GLIPR1L2: variants seen among roughly 807,000 people sequenced by gnomAD.
GLIPR1L2 encodes the protein GLIPR1 like 2.
In GLIPR1L2, 21 loss-of-function variants were observed where a neutral mutation model predicts 28.4. The observed-to-expected ratio is 0.74, with a 90% CI of 0.52 to 1.06. The LOEUF is 1.06. GLIPR1L2 is among the 50% of genes least tolerant of loss of function. The pLI, the probability that GLIPR1L2 is intolerant of heterozygous loss-of-function variation, is 0.00. For synonymous variants in GLIPR1L2, 145 were observed against 139.3 expected (o/e 1.04, Z -0.29); for missense variants, 476 against 416.9 (o/e 1.14, Z -1.23).
intron 1 of GLIPR1L2, among the ~76,000 whole-genome samples, chr12:75,403,863 G>C (rs1420400376): frequency 6.6e-6 from 1 of 151,964 alleles, no homozygotes; most frequent in Non-Finnish European, 1.5e-5. Context: ...AGACTAAAAA[G>C]GAAAAATAAC....
In GLIPR1L2 at chr12:75,430,808, G is replaced by A; in HGVS notation, c.698-16G>A. On this transcript the variant is annotated splice_polypyrimidine_tract_variant and intron_variant, in intron 5 of 5. Transcript: ENST00000550916. ...TTTATATGAAATCCAGCTTTCAATT[G>A]CTTCTTTGTTTACAGATTACCGATT... 2 of 1,532,876 alleles carry A rather than the reference G, an allele frequency of 1.3e-6. No homozygotes were observed. The highest frequency in any genetic ancestry group is 1.7e-6 in the Non-Finnish European group (2 of 1,145,604). The allele number at this position is 1,532,876 out of a possible 1,614,324, so 95.0% of individuals were successfully genotyped here.
intron 3 of GLIPR1L2, among the ~76,000 whole-genome samples, chr12:75,417,631 G>C (rs11180499): frequency 1.3e-5 from 2 of 151,868 alleles, no homozygotes; most frequent in Non-Finnish European, 2.9e-5. Flanking sequence ...AAGGAAATAT[G>C]TATGGCATAT....
At chr12:75,406,683 G>A (rs568120358) in intron 1 of GLIPR1L2, among the ~76,000 whole-genome samples, 73 of 151,338 alleles carry the variant, frequency 4.8e-4, no homozygotes, top group Middle Eastern at 3.4e-3. Context: ...AGTTGAGCCC[G>A]GGAGTTTGAG....
chr12:75,425,870 A>G (rs1304815876), intron 4 of GLIPR1L2, among the ~76,000 whole-genome samples: 1 of 152,166 alleles, frequency 6.6e-6, no homozygotes, highest in Non-Finnish European at 1.5e-5. Flanking sequence ...TAAAGGAAAA[A>G]AGTAAGCATG....
At chr12:75,413,381 T>C (rs2045890946) in intron 2 of GLIPR1L2, among the ~76,000 whole-genome samples, 2 of 151,762 alleles carry the variant, frequency 1.3e-5, no homozygotes, top group African/African-American at 4.8e-5. Flanking sequence ...AAGAATATGT[T>C]ATTGGTAGAA....
At chr12:75,391,524 T>G in intron 1 of GLIPR1L2, 174 bp downstream of exon 1, 1 of 1,531,338 alleles carries the variant, frequency 6.5e-7, no homozygotes, top group East Asian at 2.5e-5. Flanking sequence ...GCGGACACTC[T>G]AACACATGCT....
At chr12:75,412,833 TC>T (rs1301094333) in intron 2 of GLIPR1L2, among the ~76,000 whole-genome samples, 6 of 152,074 alleles carry the variant, frequency 3.9e-5, no homozygotes, top group Non-Finnish European at 8.8e-5. Flanking sequence ...GACCCAGCCA[TC>T]CCATTACTGG....
At chr12:75,425,869 AAAGT>A (rs2046029400) in intron 4 of GLIPR1L2, among the ~76,000 whole-genome samples, 1 of 152,298 alleles carries the variant, frequency 6.6e-6, no homozygotes, top group African/African-American at 2.4e-5. Flanking sequence ...GTAAAGGAAA[AAAGT>A]AAGCATGAAT....
At chr12:75,398,328 CAAAAAAA>C (rs71078729) in intron 1 of GLIPR1L2, among the ~76,000 whole-genome samples, 3 of 87,932 alleles carry the variant, frequency 3.4e-5, no homozygotes, top group Non-Finnish European at 6.4e-5. Context: ...GACTCCATCT[CAAAAAAA>C]AAAAAAAAAA....
intron 3 of GLIPR1L2, among the ~76,000 whole-genome samples, chr12:75,422,157 A>T (rs2139959636): frequency 6.6e-6 from 1 of 151,410 alleles, no homozygotes; most frequent in Middle Eastern, 3.4e-3. Flanking sequence ...CCGGCTAATT[A>T]AAAAAATATA....
At chr12:75,393,656 T>A (rs1183949277) in intron 1 of GLIPR1L2, among the ~76,000 whole-genome samples, 5 of 152,150 alleles carry the variant, frequency 3.3e-5, no homozygotes, top group Non-Finnish European at 7.4e-5. Context: ...AGTGGATATT[T>A]AGATTGCTTC....
rs1460547642 is a variant in GLIPR1L2, at chr12:75,430,869, T to C, written c.743T>C (p.Val248Ala). ...AAATGGGAAATGCCCCGGCCAGTTG[T>C]GTGTGATCCACTGTGCACATTCATT... ...YPKWEMPRPV[V>A]CDPLCTFILL... Residue 248 changes from valine (V) to alanine (A), a missense_variant, in exon 6 of 6, where the codon GTG becomes GCG. Transcript: ENST00000550916. 2.0e-6 allele frequency: 3 copies of C among 1,535,638 alleles called. No individual in the cohort carries two copies. The highest frequency in any genetic ancestry group is 2.7e-5 in the African/African-American group (2 of 73,184).
At chr12:75,423,048 G>A (rs1400195076) in intron 4 of GLIPR1L2, 59 bp downstream of exon 4, 1 of 1,603,060 alleles carries the variant, frequency 6.2e-7, no homozygotes, top group African/African-American at 1.3e-5. Context: ...AGAAAAATAA[G>A]CGATTGAACA....
intron 1 of GLIPR1L2, among the ~76,000 whole-genome samples, chr12:75,396,995 A>G (rs922873472): frequency 6.6e-6 from 1 of 152,134 alleles, no homozygotes; most frequent in African/African-American, 2.4e-5. Flanking sequence ...GTCCATTGTT[A>G]AGACTAAAAT....
chr12:75,415,666 G>T (rs1315579728), intron 3 of GLIPR1L2, among the ~76,000 whole-genome samples: 1 of 152,064 alleles, frequency 6.6e-6, no homozygotes, highest in Non-Finnish European at 1.5e-5. Flanking sequence ...GCAGAATTTA[G>T]CTCTGTATGG....
At chr12:75,413,363 A>T (rs10879911) in intron 2 of GLIPR1L2, among the ~76,000 whole-genome samples, 47,214 of 119,280 alleles carry the variant, frequency 0.4, 7,473 homozygotes, top group Middle Eastern at 0.52. Flanking sequence ...AAATAAAATT[A>T]AAAAAAAAAG....
intron 1 of GLIPR1L2, among the ~76,000 whole-genome samples, chr12:75,395,839 T>C (rs1402350524): frequency 6.6e-6 from 1 of 152,006 alleles, no homozygotes; most frequent in African/African-American, 2.4e-5. Flanking sequence ...CTGTTGATTT[T>C]CTCTGTTGTT....
intron 1 of GLIPR1L2, chr12:75,402,957 G>T: frequency 2.2e-6 from 1 of 456,324 alleles, no homozygotes; most frequent in Non-Finnish European, 4.4e-6. Context: ...TACCACAATA[G>T]CCCTAAATAA....
Position 75,410,588 on chromosome 12 carries a change from C to A in GLIPR1L2, c.389C>A (p.Ala130Glu). Residue 130 changes from alanine to glutamate, a missense_variant, in exon 2 of 6, where the codon GCA becomes GAA. Transcript: ENST00000550916. Reference protein sequence around the residue: ...MWVGPENEFTASIAIRSWHAE... With the variant: ...MWVGPENEFTESIAIRSWHAE... ...GTCGGCCCTGAAAATGAATTTACTG[C>A]AAGTATTGCTATCAGAAGTTGGCAT... 1 of 1,612,172 alleles carries A rather than the reference C, an allele frequency of 6.2e-7. No homozygotes were observed. Among genetic ancestry groups the A allele is most frequent in the Non-Finnish European group, 8.5e-7 (1 of 1,178,818 alleles).
Sources: gnomAD v4.1 joint callset for allele counts (sites outside exome capture counted in the v4.1 genomes callset) on GRCh38, gnomAD v4.1.1 for gene constraint, MANE v1.5 for transcripts, NCBI Gene and HGNC (gene_info 2026-07-23, HGNC 2026-07-21) for gene names.